Variants in MATN2 observed in about 807,000 individuals in gnomAD.
The protein encoded by MATN2 is matrilin-2.
A neutral mutation model predicts 103.2 loss-of-function variants in MATN2; 69 were observed. The observed-to-expected ratio is 0.67, with a 90% confidence interval of 0.55 to 0.82. The LOEUF is 0.82. MATN2 is among the 40% of genes least tolerant of loss of function. The pLI is 0.00. For synonymous variants in MATN2, 429 were observed against 450.2 expected (o/e 0.95, Z 0.60); for missense variants, 1,023 against 1,211.5 (o/e 0.84, Z 2.31).
At chr8:97,894,112 A>C (rs988377071) in intron 2 of MATN2, among the ~76,000 whole-genome samples, 1 of 152,126 alleles carries the variant, frequency 6.6e-6, no homozygotes, top group Non-Finnish European at 1.5e-5. Context: ...CAATTCTAGA[A>C]GTGGGAGACA....
At chr8:97,875,057 C>G (rs1273683787) in intron 1 of MATN2, among the ~76,000 whole-genome samples, 1 of 152,086 alleles carries the variant, frequency 6.6e-6, no homozygotes, top group Non-Finnish European at 1.5e-5. Flanking sequence ...CATTGGCCCA[C>G]CTAGATAATC....
chr8:98,034,226 C>G, intron 18 of MATN2: 2 of 455,106 alleles, frequency 4.4e-6, no homozygotes, highest in Non-Finnish European at 8.8e-6. Context: ...ACCAAGGGAA[C>G]AGCAGGATCC....
At chr8:97,978,760 A>G in intron 5 of MATN2, 126 bp from the exon 6 acceptor site, 2 of 923,168 alleles carry the variant, frequency 2.2e-6, no homozygotes, top group East Asian at 2.6e-5. Flanking sequence ...ATAACTGTTT[A>G]TCCTACTCTT....
At chr8:98,003,631 T>C (rs2130379484) in intron 7 of MATN2, 30 bp from the exon 8 acceptor site, 1 of 1,612,916 alleles carries the variant, frequency 6.2e-7, no homozygotes, top group East Asian at 2.2e-5. Flanking sequence ...GTCCAGAGTC[T>C]GAAGGAAGGT....
At position 97,978,965 on chromosome 8, in the gene MATN2, C is replaced by T. The variant is rs545594991; in HGVS notation, c.1038C>T (p.Cys346=). 2.4e-5 allele frequency: 39 copies of T among 1,613,296 alleles called. No homozygotes were observed. The South Asian group carries it at 3.7e-4, about 15-fold the overall frequency. ...VNADGSYLCQ[C]HEGFALNPDK... ...CTGATGGCTCCTACCTTTGCCAGTGCCATGAAGGATTTGCTCTTAACCCAG... is the reference window on the plus strand; with the variant it reads ...CTGATGGCTCCTACCTTTGCCAGTGTCATGAAGGATTTGCTCTTAACCCAG... Residue 346 remains cysteine (C), a synonymous_variant, in exon 6 of 19, where the codon TGC becomes TGT. Coordinates refer to ENST00000254898, the MANE Select transcript of MATN2 (RefSeq NM_002380.5).
intron 5 of MATN2, among the ~76,000 whole-genome samples, chr8:97,970,383 C>T (rs1166141076): frequency 6.6e-6 from 1 of 151,748 alleles, no homozygotes; most frequent in Non-Finnish European, 1.5e-5. Flanking sequence ...TGTCTCAGCC[C>T]CACCTCTGGA....
chr8:97,984,417 A>T (rs10096266), intron 6 of MATN2, among the ~76,000 whole-genome samples: 2,606 of 152,344 alleles, frequency 0.017, 66 homozygotes, highest in African/African-American at 0.059. Flanking sequence ...AGGCATGGAA[A>T]ATGTAGTAGT....
At chr8:97,880,622 C>T (rs1818223503) in intron 1 of MATN2, among the ~76,000 whole-genome samples, 1 of 152,208 alleles carries the variant, frequency 6.6e-6, no homozygotes, top group South Asian at 2.1e-4. Flanking sequence ...TCTCCCCACA[C>T]CCCACGAAAT....
At chr8:97,943,166 G>T (rs1304202739) in intron 4 of MATN2, among the ~76,000 whole-genome samples, 1 of 152,032 alleles carries the variant, frequency 6.6e-6, no homozygotes. Flanking sequence ...AGAACTGGGG[G>T]AGCCTGGGAA....
intron 10 of MATN2, among the ~76,000 whole-genome samples, chr8:98,016,247 C>G (rs114252153): frequency 6.6e-6 from 1 of 152,086 alleles, no homozygotes; most frequent in African/African-American, 2.4e-5. Context: ...GTGGTGCACG[C>G]TTGTAGTCCC....
chr8:97,961,501 C>T lies in MATN2; in HGVS notation c.929C>T (p.Ala310Val). ...SFVCQCYSGY[A>V]LAEDGKRCVA... ...GTCTGCCAGTGCTACAGTGGCTACG[C>T]CCTGGCTGAGGATGGGAAGAGGTGT... Residue 310 changes from alanine (A) to valine (V), a missense_variant, in exon 5 of 19, where the codon GCC (alanine) becomes GTC (valine). Transcript: ENST00000254898. 1 of 1,613,438 alleles carries T rather than the reference C, an allele frequency of 6.2e-7. No homozygotes were observed. The highest frequency in any genetic ancestry group is 1.3e-5 in the African/African-American group (1 of 75,016).
At chr8:98,024,593 G>A (rs1813722140) in intron 13 of MATN2, among the ~76,000 whole-genome samples, 1 of 152,232 alleles carries the variant, frequency 6.6e-6, no homozygotes, top group Non-Finnish European at 1.5e-5. Context: ...GGCTTTCGTG[G>A]TAAGGTGACA....
At chr8:98,022,298 C>T (rs1243321245) in intron 13 of MATN2, among the ~76,000 whole-genome samples, 4 of 151,984 alleles carry the variant, frequency 2.6e-5, no homozygotes, top group African/African-American at 9.7e-5. Context: ...GTCTCTCTTT[C>T]TCTATATATG....
intron 5 of MATN2, among the ~76,000 whole-genome samples, chr8:97,961,979 C>T: frequency 6.6e-6 from 1 of 152,192 alleles, no homozygotes; most frequent in East Asian, 1.9e-4. Context: ...GCCAAAGTGA[C>T]TGCCAGGTGA....
chr8:97,906,876 C>T (rs936284008), intron 2 of MATN2, among the ~76,000 whole-genome samples: 2 of 152,130 alleles, frequency 1.3e-5, no homozygotes, highest in Non-Finnish European at 2.9e-5. Context: ...TCTATTTCCG[C>T]AGAGGCAGGT....
Position 97,931,323 on chromosome 8 carries a change from G to A in MATN2, c.513G>A (p.Gly171=), listed in dbSNP as rs757051210. 1 of 1,613,932 alleles carries A rather than the reference G, an allele frequency of 6.2e-7. No homozygotes were observed. The highest frequency in any genetic ancestry group is 8.5e-7 in the Non-Finnish European group (1 of 1,179,890). Residue 171 remains glycine (G), a synonymous_variant, in exon 3 of 19, where the codon GGG becomes GGA. Coordinates refer to ENST00000254898, the MANE Select transcript of MATN2 (RefSeq NM_002380.5). This position sits in a 1 kb window ranked among gnomAD's most constrained non-coding sequence, Gnocchi z 4.1. ...GGGTCATAATGATCGTGACAGATGGGAGACCTCAGGACTCCGTGGCCGAGG... is the reference window on the plus strand; with the variant it reads ...GGGTCATAATGATCGTGACAGATGGAAGACCTCAGGACTCCGTGGCCGAGG... ...VPRVIMIVTD[G]RPQDSVAEVA...
intron 2 of MATN2, among the ~76,000 whole-genome samples, chr8:97,904,874 G>T (rs1042905127): frequency 1.3e-5 from 2 of 152,074 alleles, no homozygotes; most frequent in Non-Finnish European, 2.9e-5. Context: ...TCCATAATTT[G>T]GATGAGAACA....
At chr8:97,997,817 G>GT (rs34347663) in intron 7 of MATN2, among the ~76,000 whole-genome samples, 35,906 of 133,508 alleles carry the variant, frequency 0.27, 4,850 homozygotes, top group Admixed American at 0.37. Flanking sequence ...TTTGGAGAAG[G>GT]TTTTTTTTTT....
intron 2 of MATN2, among the ~76,000 whole-genome samples, chr8:97,908,570 T>C (rs1352094543): frequency 6.6e-6 from 1 of 152,260 alleles, no homozygotes; most frequent in African/African-American, 2.4e-5. Context: ...TTAACTTTTA[T>C]CTTTTATTTA....
Sources: allele counts gnomAD v4.1 joint callset (sites outside exome capture counted in the v4.1 genomes callset), GRCh38; gene constraint gnomAD v4.1.1; non-coding constraint Gnocchi (gnomAD v3.1); transcripts MANE v1.5; gene names NCBI Gene and HGNC (gene_info 2026-07-23, HGNC 2026-07-21).